DENND5B: variants seen among roughly 807,000 people sequenced by gnomAD.
DENND5B encodes DENN domain containing 5B.
A neutral mutation model predicts 140.6 loss-of-function variants in DENND5B; 34 were observed. That is an observed-to-expected ratio of 0.24 (90% CI 0.18 to 0.32). The LOEUF is 0.32. Ranked by LOEUF, DENND5B falls within the 10% of genes least tolerant of loss-of-function variation. The probability of loss-of-function intolerance (pLI) is 1.00; values close to 1 mark genes in which losing one functional copy is unlikely to be tolerated. For missense variants in DENND5B, 1,142 were observed against 1,560.2 expected, an observed-to-expected ratio of 0.73 and a Z score of 4.52; for synonymous variants, 551 against 562.1, an observed-to-expected ratio of 0.98 and a Z score of 0.28.
intron 1 of DENND5B, among the ~76,000 whole-genome samples, chr12:31,497,795 G>A (rs1367635494): frequency 3.0e-4 from 6 of 20,086 alleles, no homozygotes; most frequent in African/African-American, 9.6e-4. Flanking sequence ...GGAGGGGGAG[G>A]GGCATGGGGA....
intron 1 of DENND5B, among the ~76,000 whole-genome samples, chr12:31,538,604 C>T (rs113930586): frequency 0.017 from 2,569 of 152,240 alleles, 74 homozygotes; most frequent in African/African-American, 0.058. Flanking sequence ...CAGTGGCTCA[C>T]GCCTGTAATC....
chr12:31,495,888 T>A lies in DENND5B; in HGVS notation c.159A>T (p.Arg53Ser). 1 of 1,612,660 alleles carries A rather than the reference T, an allele frequency of 6.2e-7. No homozygotes were observed. The highest frequency in any genetic ancestry group is 8.5e-7 in the Non-Finnish European group (1 of 1,179,374). Reference sequence around the variant, plus strand: ...GGGCGAGAACTTTGGATTTGAATGTTCTTCTCAAAGGACTCTGGTCAAAAT... The same window carrying A: ...GGGCGAGAACTTTGGATTTGAATGTACTTCTCAAAGGACTCTGGTCAAAAT... ...GENFDQSPLR[R>S]TFKSKVLAHY... Residue 53 changes from arginine (R) to serine (S), a missense_variant, in exon 2 of 21, where the codon AGA becomes AGT. By Grantham distance (110) the Arg-to-Ser change is moderately radical. Around this residue, in one of 5 missense-constraint regions of DENND5B, gnomAD observed 708 missense variants for 905.5 expected, o/e 0.78. Transcript: ENST00000389082.
chr12:31,446,458 T>C (rs1032293502), intron 6 of DENND5B, among the ~76,000 whole-genome samples: 1 of 152,238 alleles, frequency 6.6e-6, no homozygotes, highest in Non-Finnish European at 1.5e-5. Context: ...CTGAGTCAGA[T>C]TTAATTTCAA....
intron 1 of DENND5B, among the ~76,000 whole-genome samples, chr12:31,586,724 G>A (rs536133547): frequency 6.6e-6 from 1 of 152,208 alleles, no homozygotes; most frequent in South Asian, 2.1e-4. Flanking sequence ...AGGAATATGC[G>A]TATGTTAAGA....
chr12:31,465,394 ATC>A (rs1156374075), intron 3 of DENND5B: 6 of 152,600 alleles, frequency 3.9e-5, no homozygotes, highest in African/African-American at 1.4e-4. Flanking sequence ...TTGAGATGGA[ATC>A]TCGCTCTGTT....
chr12:31,424,501 T>G, intron 10 of DENND5B, 34 bp downstream of exon 10: 2 of 1,583,506 alleles, frequency 1.3e-6, no homozygotes, highest in Non-Finnish European at 8.6e-7. Context: ...GGCTCTTAAC[T>G]GGCCATGTCA....
intron 1 of DENND5B, among the ~76,000 whole-genome samples, chr12:31,532,399 C>G (rs140409875): frequency 1.2e-3 from 184 of 152,174 alleles, no homozygotes; most frequent in South Asian, 2.3e-3. Context: ...CATATTTAGG[C>G]TCATAGACCT....
chr12:31,440,233 G>A (rs111793206), intron 7 of DENND5B, among the ~76,000 whole-genome samples: 3,229 of 152,094 alleles, frequency 0.021, 111 homozygotes, highest in African/African-American at 0.075. Context: ...TATGCTGGAG[G>A]TTATTCACAG....
chr12:31,492,174 G>C (rs1946551339), intron 2 of DENND5B, among the ~76,000 whole-genome samples: 1 of 149,982 alleles, frequency 6.7e-6, no homozygotes, highest in South Asian at 2.1e-4. Context: ...CACAGCCTTT[G>C]CGATTATTCT....
At chr12:31,410,274 C>G (rs1392930400) in intron 13 of DENND5B, among the ~76,000 whole-genome samples, 1 of 152,144 alleles carries the variant, frequency 6.6e-6, no homozygotes, top group Non-Finnish European at 1.5e-5. Flanking sequence ...CCTAAAGAAA[C>G]AGATGAAATG....
intron 1 of DENND5B, among the ~76,000 whole-genome samples, chr12:31,584,528 C>T (rs372690608): frequency 3.9e-4 from 60 of 152,290 alleles, no homozygotes; most frequent in Middle Eastern, 3.4e-3. Context: ...AAAGAAATGG[C>T]GCAGCCAGGC....
chr12:31,472,570 A>G (rs967160322), intron 3 of DENND5B, among the ~76,000 whole-genome samples: 19 of 152,022 alleles, frequency 1.2e-4, no homozygotes, highest in African/African-American at 4.3e-4. Context: ...GGGATTACAG[A>G]CATGAGCCAC....
At chr12:31,489,428 C>T (rs1435060274) in intron 2 of DENND5B, among the ~76,000 whole-genome samples, 2 of 152,054 alleles carry the variant, frequency 1.3e-5, no homozygotes, top group African/African-American at 4.8e-5. Flanking sequence ...ACACAGAAAC[C>T]AGCAGTTACC....
intron 11 of DENND5B, among the ~76,000 whole-genome samples, chr12:31,416,639 A>G (rs1196641798): frequency 2.6e-5 from 4 of 152,160 alleles, no homozygotes; most frequent in Non-Finnish European, 5.9e-5. Context: ...TTAAGCTACT[A>G]AAAAATGTGA....
chr12:31,407,419 G>C (rs185803680), intron 14 of DENND5B, among the ~76,000 whole-genome samples: 1 of 152,134 alleles, frequency 6.6e-6, no homozygotes, highest in Non-Finnish European at 1.5e-5. Flanking sequence ...TTGAGCCACC[G>C]CGCCCGGCCC....
intron 1 of DENND5B, among the ~76,000 whole-genome samples, chr12:31,572,719 A>T (rs1039419634): frequency 1.3e-5 from 2 of 152,148 alleles, no homozygotes; most frequent in Non-Finnish European, 2.9e-5. Context: ...TCTCTGAAAA[A>T]AATCTCCTGC....
At chr12:31,569,929 C>T (rs12813413) in intron 1 of DENND5B, among the ~76,000 whole-genome samples, 3 of 151,908 alleles carry the variant, frequency 2.0e-5, no homozygotes, top group African/African-American at 7.3e-5. Context: ...GGTGCGGTGG[C>T]TCATGCCTGT....
intron 11 of DENND5B, among the ~76,000 whole-genome samples, chr12:31,423,241 T>C (rs537358758): frequency 6.6e-6 from 1 of 152,064 alleles, no homozygotes; most frequent in East Asian, 1.9e-4. Context: ...GTGCCTAGCA[T>C]AAAACTTGTA....
chr12:31,555,088 G>A (rs1035398511), intron 1 of DENND5B, among the ~76,000 whole-genome samples: 27 of 152,130 alleles, frequency 1.8e-4, no homozygotes, highest in African/African-American at 3.9e-4. Flanking sequence ...GCTTTGTTCC[G>A]TTGCTGGTGA....
Sources: allele counts gnomAD v4.1 joint callset (sites outside exome capture counted in the v4.1 genomes callset), GRCh38; gene constraint gnomAD v4.1.1; regional missense constraint gnomAD v4.1.1; transcripts MANE v1.5; gene names NCBI Gene and HGNC (gene_info 2026-07-23, HGNC 2026-07-21).